The following RTL4 variants were observed in gnomAD, a reference collection of about 807,000 sequenced individuals.
RTL4 encodes the protein retrotransposon Gag like 4, also known as retrotransposon Gag-like protein 4.
Under a neutral mutation model 5.3 loss-of-function variants are expected in RTL4, and 4 were observed. That is an observed-to-expected ratio of 0.75 (90% CI 0.37 to 1.72). The LOEUF (loss-of-function observed/expected upper bound fraction) is 1.72. Among genes scored for constraint, RTL4 ranks in the 40% most tolerant of loss-of-function variants. The pLI is 0.04. For synonymous variants in RTL4, 98 were observed against 87.3 expected (o/e 1.12, Z -0.68); for missense variants, 260 against 227.1 (o/e 1.14, Z -0.93).
chrX:112,352,572 A>C, the RTL4 span, among the ~76,000 whole-genome samples: 194 of 111,355 alleles, frequency 1.7e-3, no homozygotes, highest in African/African-American at 6.1e-3. Context: ...CAAAAACAAG[A>C]AATGGGGAAA....
At chrX:112,100,505 T>C in the RTL4 span, among the ~76,000 whole-genome samples, 55 of 111,840 alleles carry the variant, frequency 4.9e-4, no homozygotes, top group African/African-American at 1.7e-3. Flanking sequence ...CAAGAAAACA[T>C]TGGCAGCATT....
At chrX:112,431,570 T>A in the RTL4 span, among the ~76,000 whole-genome samples, 1 of 111,477 alleles carries the variant, frequency 9.0e-6, no homozygotes, top group Non-Finnish European at 1.9e-5. Context: ...TCTGCTTTTG[T>A]ATGTTGGAAT....
chrX:112,336,000 G>A, the RTL4 span, among the ~76,000 whole-genome samples: 5 of 109,711 alleles, frequency 4.6e-5, no homozygotes, highest in African/African-American at 1.3e-4. Context: ...CTGCCACCAC[G>A]CCTGGCTAAT....
chrX:112,380,005 G>A, the RTL4 span, among the ~76,000 whole-genome samples: 1 of 110,870 alleles, frequency 9.0e-6, no homozygotes, highest in Admixed American at 9.6e-5. Context: ...TCTCAACTCT[G>A]GAAATCACTG....
the RTL4 span, among the ~76,000 whole-genome samples, chrX:112,309,728 G>A: frequency 3.7e-5 from 4 of 108,729 alleles, no homozygotes; most frequent in Admixed American, 1.0e-4. Context: ...CGATTCACCT[G>A]CTTCGGCCTC....
the RTL4 span, among the ~76,000 whole-genome samples, chrX:112,254,616 C>T: frequency 3.6e-5 from 4 of 110,579 alleles, no homozygotes; most frequent in Non-Finnish European, 7.6e-5. Context: ...TGTGAGCCAC[C>T]GCGCCTGGCC....
the RTL4 span, among the ~76,000 whole-genome samples, chrX:112,096,039 A>G: frequency 8.9e-6 from 1 of 112,028 alleles, no homozygotes; most frequent in African/African-American, 3.2e-5. Flanking sequence ...GGTGCCTTAA[A>G]GTATCAGAGC....
the RTL4 span, among the ~76,000 whole-genome samples, chrX:112,332,800 T>C: frequency 9.0e-6 from 1 of 110,656 alleles, no homozygotes; most frequent in Non-Finnish European, 1.9e-5. Flanking sequence ...CTGCACATTG[T>C]GAACATGTAC....
the RTL4 span, among the ~76,000 whole-genome samples, chrX:112,330,690 C>T: frequency 6.3e-5 from 7 of 111,349 alleles, no homozygotes; most frequent in Admixed American, 1.9e-4. Context: ...AAAGAGCCCG[C>T]ATCGCCAAGT....
the RTL4 span, among the ~76,000 whole-genome samples, chrX:112,204,024 G>A: frequency 1.2e-4 from 14 of 112,538 alleles, no homozygotes; most frequent in Middle Eastern, 0.014. Flanking sequence ...ATTGCAAATG[G>A]CATTGTGTTT....
the RTL4 span, among the ~76,000 whole-genome samples, chrX:112,309,905 T>C: frequency 1.9e-5 from 2 of 104,793 alleles, no homozygotes; most frequent in African/African-American, 3.5e-5. Context: ...CATATATGTG[T>C]GTGTGTATAT....
the RTL4 span, among the ~76,000 whole-genome samples, chrX:112,193,986 G>C: frequency 5.4e-5 from 6 of 111,189 alleles, no homozygotes; most frequent in Non-Finnish European, 1.1e-4. Flanking sequence ...CCTATGGCTG[G>C]AACACTCTGA....
the RTL4 span, among the ~76,000 whole-genome samples, chrX:112,405,671 T>C: frequency 2.7e-5 from 3 of 111,038 alleles, no homozygotes; most frequent in African/African-American, 9.8e-5. Context: ...CGGAGCAAGA[T>C]AGTGGAAGAG....
chrX:112,403,373 A>T, the RTL4 span, among the ~76,000 whole-genome samples: 2 of 112,107 alleles, frequency 1.8e-5, no homozygotes, highest in Admixed American at 1.9e-4. Flanking sequence ...GCTAGAAGGT[A>T]TTGGTCATCT....
At chrX:112,358,275 AT>A in the RTL4 span, among the ~76,000 whole-genome samples, 434 of 92,915 alleles carry the variant, frequency 4.7e-3, 1 homozygote, top group African/African-American at 0.01. Flanking sequence ...TAACTTATGC[AT>A]TTTTTTTTTT....
chrX:112,181,212 A>G, the RTL4 span, among the ~76,000 whole-genome samples: 2 of 111,793 alleles, frequency 1.8e-5, no homozygotes, highest in African/African-American at 6.5e-5. Flanking sequence ...TTGGGTACCT[A>G]CAACACCAGG....
chrX:112,408,329 CAG>C, the RTL4 span, among the ~76,000 whole-genome samples: 1 of 109,329 alleles, frequency 9.1e-6, no homozygotes, highest in Admixed American at 9.9e-5. Flanking sequence ...AAGAGTCAAA[CAG>C]AAATTCTGGA....
chrX:112,155,233 C>T, the RTL4 span, among the ~76,000 whole-genome samples: 3 of 110,369 alleles, frequency 2.7e-5, no homozygotes, highest in South Asian at 7.8e-4. Context: ...TTCTAGATAA[C>T]TAGGAAAATG....
chrX:112,284,009 A>AT, the RTL4 span, among the ~76,000 whole-genome samples: 1 of 109,175 alleles, frequency 9.2e-6, no homozygotes, highest in Non-Finnish European at 1.9e-5. Flanking sequence ...TTATTTATTT[A>AT]TTTATTTTAT....
Sources: gnomAD v4.1 joint callset for allele counts (sites outside exome capture counted in the v4.1 genomes callset) on GRCh38, gnomAD v4.1.1 for gene constraint, MANE v1.5 for transcripts, NCBI Gene and HGNC (gene_info 2026-07-23, HGNC 2026-07-21) for gene names.